NOL3: variants seen among roughly 807,000 people sequenced by gnomAD.
NOL3 encodes muscle-enriched cytoplasmic protein.
Under a neutral mutation model 19.2 loss-of-function variants are expected in NOL3, and 18 were observed. That is an observed-to-expected ratio of 0.94 (90% confidence interval 0.65 to 1.39). NOL3 has a LOEUF of 1.39. Ranked by LOEUF, NOL3 falls within the 40% of genes most tolerant of loss-of-function variation. NOL3 has a pLI of 0.00. For missense variants in NOL3, 290 were observed against 289.5 expected (o/e 1.00, Z -0.01); for synonymous variants, 127 against 137.3 (o/e 0.93, Z 0.52).
rs536305787 is a variant in NOL3 at position 67,173,949 on chromosome 16, G to C, written c.-8-213G>C. On this transcript the variant is annotated intron_variant, in intron 1 of 3. Transcript: ENST00000268605. ...GACAGAAGGAGGAGCCTGAGGAGGA[G>C]ACAGGACAGAGCGTCTGGAGAGGCA... 6.8e-5 allele frequency: 105 copies of C among 1,536,710 alleles called. 2 individuals carry two copies. The South Asian group carries it at 1.2e-3, about 18-fold the overall frequency.
intron 1 of NOL3, chr16:67,171,088 A>G (rs971536227): frequency 6.6e-6 from 1 of 152,284 alleles, no homozygotes; most frequent in African/African-American, 2.4e-5. Context: ...CATGAAAACA[A>G]CTTAGGTTGG....
chr16:67,173,879 T>A, intron 1 of NOL3: 1 of 1,535,290 alleles, frequency 6.5e-7, no homozygotes, highest in Non-Finnish European at 8.7e-7. Flanking sequence ...ATGCCAGTCC[T>A]GGGAAAGGCA....
exon 4 of NOL3, chr16:67,175,339 C>A (rs1413061534): frequency 8.3e-6 from 11 of 1,320,982 alleles, no homozygotes; most frequent in Non-Finnish European, 1.1e-5. Flanking sequence ...CAGGCTGCAC[C>A]CTGGAGATCC....
chr16:67,173,792 C>T (rs2031916828), intron 1 of NOL3: 1 of 1,334,550 alleles, frequency 7.5e-7, no homozygotes, highest in South Asian at 1.4e-5. Flanking sequence ...TTTGGATAAA[C>T]GGGGTCTGAA....
intron 2 of NOL3, 77 bp downstream of exon 2, chr16:67,174,541 T>A: frequency 1.3e-6 from 2 of 1,481,998 alleles, no homozygotes; most frequent in Non-Finnish European, 1.8e-6. Context: ...AGGGCAGGGT[T>A]GTCGTCTCCG....
chr16:67,175,011 C>A, intron 3 of NOL3, 36 bp from the exon 4 acceptor site: 2 of 1,612,920 alleles, frequency 1.2e-6, no homozygotes, highest in Non-Finnish European at 1.7e-6. Flanking sequence ...GGATGCCGGA[C>A]CCCACCTCTT....
At chr16:67,173,922 G>C in intron 1 of NOL3, 5 of 1,536,210 alleles carry the variant, frequency 3.3e-6, no homozygotes, top group Non-Finnish European at 4.4e-6. Context: ...CTGACGCTTG[G>C]GGACAGAAGG....
At position 67,174,620 on chromosome 16, in the gene NOL3, G is replaced by C. The variant is rs1478052826; in HGVS notation, c.296-1G>C. ...CTCAGTCACTCCCACTTCCGCCCCA[G>C]GCTACCGGGACCGCAGCTATGACCC... On this transcript the variant is annotated splice_acceptor_variant, in intron 2 of 3. Coordinates refer to ENST00000268605, the Ensembl canonical transcript of NOL3. LOFTEE classifies it high-confidence loss of function. The C allele has an allele frequency of 6.1e-5, 93 of 1,528,124 alleles. No individual in the cohort carries two copies. The highest frequency in any genetic ancestry group is 7.7e-5 in the Non-Finnish European group (88 of 1,142,132). 94.7% of individuals were successfully genotyped at this position (1,528,124 alleles called of 1,614,324 possible). A position where few individuals can be genotyped will look rare whatever the true frequency, so the allele number is the denominator to read the frequency against.
chr16:67,174,905 G>A (rs1224701107), exon 3 of NOL3: 1 of 1,613,412 alleles, frequency 6.2e-7, no homozygotes, highest in Admixed American at 1.7e-5. Flanking sequence ...ACCGGACCCA[G>A]AGCCCGAGCC....
chr16:67,174,462 C>T, exon 2 of NOL3: 1 of 1,484,928 alleles, frequency 6.7e-7, no homozygotes, highest in Non-Finnish European at 8.9e-7. Context: ...CACGTGGGTC[C>T]GGGTGAGCGC....
At chr16:67,173,833 A>C in intron 1 of NOL3, 1 of 1,521,554 alleles carries the variant, frequency 6.6e-7, no homozygotes, top group Non-Finnish European at 8.8e-7. Flanking sequence ...GGTGGAGCTC[A>C]GGACGTCCTG....
intron 1 of NOL3, among the ~76,000 whole-genome samples, chr16:67,173,261 G>A (rs1354215333): frequency 2.0e-5 from 3 of 152,176 alleles, no homozygotes; most frequent in South Asian, 4.1e-4. Flanking sequence ...GGAGCCAGGT[G>A]GGTCAGCAGA....
At chr16:67,174,401 C>T (rs866259640) in exon 2 of NOL3, 4 of 1,551,314 alleles carry the variant, frequency 2.6e-6, no homozygotes, top group East Asian at 2.4e-5. Context: ...GGAGCTGCTA[C>T]GCTGTGCCCA....
chr16:67,175,090 C>G lies in NOL3; in HGVS notation c.*36C>G, dbSNP rs201000974. 2.0e-3 allele frequency: 3,234 copies of G among 1,614,224 alleles called. 48 individuals carry two copies. In the South Asian group the frequency reaches 0.022, roughly 11 times the overall value. On this transcript the variant is annotated 3_prime_UTR_variant, in exon 4 of 4. Coordinates refer to ENST00000268605, the Ensembl canonical transcript of NOL3. The stretch of plus-strand genomic sequence containing the variant: ...TCTGACAGGCGGTGCCCCGCCCATG[C>G]TGGATAGGACCTGGGATGCTGCTGG...
Position 67,174,448 on chromosome 16 carries a change from G to A in NOL3, c.279G>A (p.Trp93Ter), listed in dbSNP as rs1334412849. Residue 93 changes from tryptophan to a stop codon, truncating the protein, a stop_gained, in exon 2 of 4, where the codon TGG becomes TGA. Transcript: ENST00000268605. LOFTEE classifies it high-confidence loss of function. ...GCGCGCCGGACCCCGCTTGGGACTG[G>A]CAGCACGTGGGTCCGGGTGAGCGCG... 2 of 1,505,304 alleles carry A rather than the reference G, an allele frequency of 1.3e-6. No homozygotes were observed. The highest frequency in any genetic ancestry group is 8.8e-7 in the Non-Finnish European group (1 of 1,132,206). The allele number at this position is 1,505,304 out of a possible 1,614,324, so 93.2% of individuals were successfully genotyped here.
chr16:67,174,276 C>T (rs747596951), exon 2 of NOL3: 2 of 1,611,884 alleles, frequency 1.2e-6, no homozygotes, highest in Non-Finnish European at 1.7e-6. Context: ...GCGCTGCTGG[C>T]GCGGGGCGTG....
chr16:67,174,114 A>G, intron 1 of NOL3, 48 bp from the exon 2 acceptor site: 1 of 1,601,888 alleles, frequency 6.2e-7, no homozygotes, highest in African/African-American at 1.3e-5. Flanking sequence ...CGGCGAGGGC[A>G]GCGGGGAGGG....
intron 1 of NOL3, chr16:67,173,951 C>T (rs745381403): frequency 1.9e-4 from 291 of 1,536,600 alleles, no homozygotes; most frequent in Non-Finnish European, 2.4e-4. Context: ...GAGGAGGAGA[C>T]AGGACAGAGC....
In NOL3 at chr16:67,174,230, G is replaced by T; in HGVS notation, c.61G>T (p.Glu21Ter). Residue 21 changes from glutamate (E) to a stop codon, truncating the protein, a stop_gained, in exon 2 of 4, where the codon GAG becomes TAG. Coordinates refer to ENST00000268605, the Ensembl canonical transcript of NOL3. LOFTEE classifies it high-confidence loss of function. ...CGACCGCGAGCGGAAACGCCTGGTC[G>T]AGACGCTGCAGGCGGACTCGGGACT... 6.2e-7 allele frequency: 1 copy of T among 1,613,094 alleles called. No individual in the cohort carries two copies. The highest frequency in any genetic ancestry group is 1.1e-5 in the South Asian group (1 of 91,030).
Sources: allele counts gnomAD v4.1 joint callset (sites outside exome capture counted in the v4.1 genomes callset), GRCh38; gene constraint gnomAD v4.1.1; transcripts MANE v1.5; gene names NCBI Gene and HGNC (gene_info 2026-07-23, HGNC 2026-07-21).